Variants in CTNNA3 observed in about 807,000 individuals in gnomAD.
The protein encoded by CTNNA3 is catenin alpha 3.
A neutral mutation model predicts 95.7 loss-of-function variants in CTNNA3; 76 were observed. That is an observed-to-expected ratio of 0.79 (90% CI 0.66 to 0.96). The LOEUF is 0.96. CTNNA3 is among the 40% of genes least tolerant of loss of function. The pLI is 0.00. For missense variants in CTNNA3, 1,191 were observed against 1,089.8 expected, an observed-to-expected ratio of 1.09 and a Z score of -1.31; for synonymous variants, 431 against 374.4, an observed-to-expected ratio of 1.15 and a Z score of -1.74.
chr10:67,005,200 G>T (rs1851899092), intron 7 of CTNNA3, among the ~76,000 whole-genome samples: 1 of 152,080 alleles, frequency 6.6e-6, no homozygotes, highest in Admixed American at 6.6e-5. Context: ...TAAAGAAAAT[G>T]ATTTCCAAAG....
chr10:67,023,464 G>A (rs1050371474), intron 7 of CTNNA3, among the ~76,000 whole-genome samples: 1 of 152,008 alleles, frequency 6.6e-6, no homozygotes, highest in Non-Finnish European at 1.5e-5. Flanking sequence ...TATAGAGAAC[G>A]ATGACTAAAA....
chr10:66,199,809 T>A (rs1406659974), intron 13 of CTNNA3, among the ~76,000 whole-genome samples: 535 of 22,516 alleles, frequency 0.024, 4 homozygotes, highest in South Asian at 0.044. Context: ...ATATATATTT[T>A]TTTTTTTTTT....
At position 67,612,289 on chromosome 10, in the gene CTNNA3, T is replaced by C. The variant is rs186868163; in HGVS notation, c.100-5240A>G. Among the ~76,000 whole-genome samples, 93 of 152,268 alleles carry C rather than the reference T, an allele frequency of 6.1e-4. 2 individuals carry two copies. Among genetic ancestry groups the C allele is most frequent in the African/African-American group, 2.1e-3 (88 of 41,556 alleles). ...TATGGCAATAAGAGAAATACACAAC[T>C]AGTTGCAACATTAAAGGCAGAATGA... On this transcript the variant is annotated intron_variant, in intron 2 of 17. Coordinates refer to ENST00000433211, the MANE Select transcript of CTNNA3 (RefSeq NM_013266.4).
At chr10:66,117,548 C>T (rs1351128486) in intron 13 of CTNNA3, among the ~76,000 whole-genome samples, 1 of 152,068 alleles carries the variant, frequency 6.6e-6, no homozygotes, top group Admixed American at 6.6e-5. Flanking sequence ...TGAGAGACAC[C>T]TTGTTCATGA....
At chr10:67,276,583 A>G (rs1236710914) in intron 5 of CTNNA3, among the ~76,000 whole-genome samples, 2 of 152,160 alleles carry the variant, frequency 1.3e-5, no homozygotes, top group Non-Finnish European at 1.5e-5. Flanking sequence ...AATTAATTCT[A>G]TGGGGCAATG....
chr10:66,496,439 G>T (rs1840101466), intron 11 of CTNNA3, among the ~76,000 whole-genome samples: 1 of 152,002 alleles, frequency 6.6e-6, no homozygotes, highest in Non-Finnish European at 1.5e-5. Flanking sequence ...GAATAATGAA[G>T]AAAAAATATA....
chr10:67,058,595 C>T (rs905034086), intron 7 of CTNNA3, among the ~76,000 whole-genome samples: 1 of 152,144 alleles, frequency 6.6e-6, no homozygotes, highest in African/African-American at 2.4e-5. Context: ...TCCTCCATTG[C>T]CCTGCAAGGC....
intron 2 of CTNNA3, among the ~76,000 whole-genome samples, chr10:67,633,143 C>G (rs751049376): frequency 3.9e-5 from 6 of 152,050 alleles, no homozygotes; most frequent in Non-Finnish European, 8.8e-5. Context: ...TAAGTAGGAC[C>G]CCAATCCATT....
At chr10:67,324,138 A>C (rs954609267) in intron 5 of CTNNA3, among the ~76,000 whole-genome samples, 5 of 152,072 alleles carry the variant, frequency 3.3e-5, no homozygotes, top group African/African-American at 1.2e-4. Context: ...GAGATGATGA[A>C]GTTTTCTAGT....
rs576461007 is a variant in CTNNA3, at chr10:65,993,822, A to C, written c.2160-5025T>G. Among the ~76,000 whole-genome samples, 6 of 151,958 alleles carry C rather than the reference A, an allele frequency of 3.9e-5. No individual in the cohort carries two copies. The South Asian group carries it at 1.3e-3, about 32-fold the overall frequency. ...ACAATCTCAGCTCACTGCAACCTCC[A>C]CCTCCTGGGTTCAGCCTATTCTCCT... On this transcript the variant is annotated intron_variant, in intron 15 of 17. Coordinates refer to ENST00000433211, the MANE Select transcript of CTNNA3 (RefSeq NM_013266.4).
chr10:66,493,600 T>A (rs1201112771), intron 11 of CTNNA3, among the ~76,000 whole-genome samples: 2 of 73,610 alleles, frequency 2.7e-5, no homozygotes, highest in Non-Finnish European at 5.2e-5. Context: ...AACTACAGTA[T>A]TTTTTTTTTT....
chr10:66,939,729 T>C (rs540602195), intron 7 of CTNNA3, among the ~76,000 whole-genome samples: 2 of 152,332 alleles, frequency 1.3e-5, no homozygotes, highest in South Asian at 4.1e-4. Context: ...TGGATTCTTT[T>C]TTGGAACATA....
At chr10:66,149,575 C>A (rs2084081601) in intron 13 of CTNNA3, among the ~76,000 whole-genome samples, 1 of 150,862 alleles carries the variant, frequency 6.6e-6, no homozygotes, top group African/African-American at 2.4e-5. Context: ...GTTAGTTTTT[C>A]TAATGTATGA....
At chr10:67,136,759 G>A (rs970224951) in intron 7 of CTNNA3, among the ~76,000 whole-genome samples, 1 of 152,144 alleles carries the variant, frequency 6.6e-6, no homozygotes, top group Admixed American at 6.5e-5. Context: ...TATGAACCCA[G>A]CACAAGAAAT....
chr10:66,254,999 G>A (rs10822778), intron 13 of CTNNA3, among the ~76,000 whole-genome samples: 30,711 of 152,136 alleles, frequency 0.2, 3,773 homozygotes, highest in African/African-American at 0.34. Context: ...CCCTTCCAAG[G>A]GTGGCAAGTC....
intron 9 of CTNNA3, among the ~76,000 whole-genome samples, chr10:66,678,777 T>C (rs1222050788): frequency 1.3e-5 from 2 of 152,264 alleles, no homozygotes; most frequent in Non-Finnish European, 2.9e-5. Flanking sequence ...AGTCGACTCC[T>C]CTTTCATCAA....
chr10:66,548,911 T>C (rs1842123282), intron 10 of CTNNA3, among the ~76,000 whole-genome samples: 1 of 151,998 alleles, frequency 6.6e-6, no homozygotes, highest in African/African-American at 2.4e-5. Context: ...TATTTCTCTG[T>C]AATTTTTATA....
At chr10:67,070,105 A>G (rs1463783840) in intron 7 of CTNNA3, among the ~76,000 whole-genome samples, 3 of 152,296 alleles carry the variant, frequency 2.0e-5, no homozygotes, top group South Asian at 2.1e-4. Flanking sequence ...AGTGTGTAGT[A>G]TTATCACATT....
chr10:67,332,892 C>A (rs920866211), intron 5 of CTNNA3, among the ~76,000 whole-genome samples: 1 of 152,122 alleles, frequency 6.6e-6, no homozygotes, highest in African/African-American at 2.4e-5. Flanking sequence ...AGCTATAGCA[C>A]GTGAATGCCC....
Sources: allele counts gnomAD v4.1 joint callset (sites outside exome capture counted in the v4.1 genomes callset), GRCh38; gene constraint gnomAD v4.1.1; transcripts MANE v1.5; gene names NCBI Gene and HGNC (gene_info 2026-07-23, HGNC 2026-07-21).